Variants in TPD52L1 observed in about 807,000 individuals in gnomAD.
TPD52L1 encodes the protein TPD52 like 1.
TPD52L1 carries 18 observed loss-of-function variants against 28.7 expected under a neutral mutation model. The observed-to-expected ratio is 0.63, with a 90% CI of 0.43 to 0.93. TPD52L1 has a LOEUF of 0.93. TPD52L1 is among the 40% of genes least tolerant of loss of function. The probability of loss-of-function intolerance (pLI) is 0.00; values close to 1 mark genes in which losing one functional copy is unlikely to be tolerated. For synonymous variants in TPD52L1, 75 were observed against 88.8 expected, an observed-to-expected ratio of 0.84 and a Z score of 0.88; for missense variants, 203 against 254.8, an observed-to-expected ratio of 0.80 and a Z score of 1.39.
At chr6:125,177,701 TTTAAA>T (rs1166064681) in intron 1 of TPD52L1, among the ~76,000 whole-genome samples, 1 of 152,326 alleles carries the variant, frequency 6.6e-6, no homozygotes, top group African/African-American at 2.4e-5. Context: ...AGTTAACATT[TTTAAA>T]TTAAAGTTTC....
At chr6:125,223,394 G>A (rs1472058973) in intron 2 of TPD52L1, among the ~76,000 whole-genome samples, 1 of 152,060 alleles carries the variant, frequency 6.6e-6, no homozygotes, top group Non-Finnish European at 1.5e-5. Flanking sequence ...TTACATCTTG[G>A]ACAAATTCAG....
At chr6:125,167,040 T>C (rs1191214368) in intron 1 of TPD52L1, among the ~76,000 whole-genome samples, 2 of 152,120 alleles carry the variant, frequency 1.3e-5, no homozygotes, top group African/African-American at 4.8e-5. Flanking sequence ...GAGGACTGCT[T>C]GAACCCAGGA....
At chr6:125,238,962 A>G (rs1037650646) in intron 3 of TPD52L1, among the ~76,000 whole-genome samples, 30 of 152,190 alleles carry the variant, frequency 2.0e-4, no homozygotes, top group African/African-American at 7.2e-4. Context: ...TCTTTTTCAT[A>G]TAATGACTTC....
At chr6:125,199,473 G>A (rs978865683) in intron 1 of TPD52L1, among the ~76,000 whole-genome samples, 2 of 152,152 alleles carry the variant, frequency 1.3e-5, no homozygotes, top group Non-Finnish European at 2.9e-5. Flanking sequence ...ATCACCTGAG[G>A]TCAGGAGTTC....
At chr6:125,179,233 C>A (rs558934385) in intron 1 of TPD52L1, among the ~76,000 whole-genome samples, 10 of 152,198 alleles carry the variant, frequency 6.6e-5, no homozygotes, top group Non-Finnish European at 1.3e-4. Context: ...TTCAAGAGGA[C>A]AAATACTATT....
At chr6:125,164,979 G>T (rs571066256) in intron 1 of TPD52L1, among the ~76,000 whole-genome samples, 1 of 150,394 alleles carries the variant, frequency 6.6e-6, no homozygotes, top group South Asian at 2.1e-4. Flanking sequence ...TGATCATGGT[G>T]GTGAGTGCTT....
intron 1 of TPD52L1, among the ~76,000 whole-genome samples, chr6:125,159,826 T>A (rs1790393326): frequency 6.6e-6 from 1 of 152,200 alleles, no homozygotes; most frequent in South Asian, 2.1e-4. Flanking sequence ...AACTCTTGGG[T>A]GACCACGTAT....
chr6:125,165,504 A>G (rs1439436904), intron 1 of TPD52L1, among the ~76,000 whole-genome samples: 1 of 152,182 alleles, frequency 6.6e-6, no homozygotes, highest in Admixed American at 6.5e-5. Flanking sequence ...ACCCTTAGTC[A>G]CCAACATATT....
intron 3 of TPD52L1, among the ~76,000 whole-genome samples, chr6:125,239,812 C>T (rs1438749472): frequency 2.6e-5 from 4 of 152,138 alleles, no homozygotes; most frequent in Non-Finnish European, 5.9e-5. Context: ...ATTTCTTCTG[C>T]TGTGCAGAAG....
intron 2 of TPD52L1, among the ~76,000 whole-genome samples, chr6:125,225,805 G>A (rs969993819): frequency 6.6e-6 from 1 of 152,154 alleles, no homozygotes; most frequent in African/African-American, 2.4e-5. Context: ...GAGGATGCTT[G>A]CTGATAACAC....
intron 2 of TPD52L1, among the ~76,000 whole-genome samples, chr6:125,224,352 C>A (rs1399597790): frequency 2.0e-5 from 3 of 152,160 alleles, no homozygotes; most frequent in Non-Finnish European, 4.4e-5. Context: ...TTTTCATGCT[C>A]TCTCAATCTC....
intron 4 of TPD52L1, chr6:125,252,174 G>A: frequency 1.1e-6 from 1 of 951,900 alleles, no homozygotes; most frequent in Non-Finnish European, 1.6e-6. Context: ...CCCGTGACCA[G>A]GAAGATAGTT....
Position 125,228,717 on chromosome 6 carries a change from T to C in TPD52L1, c.136-401T>C, listed in dbSNP as rs574324335. On this transcript the variant is annotated intron_variant, in intron 2 of 6. Coordinates refer to ENST00000534000, the MANE Select transcript of TPD52L1 (RefSeq NM_003287.4). ...AAGTGGCACTTGAGAAGAAGTTATA[T>C]AAAATAAGGGTACAGTAGAAAACCA... 2.0e-5 allele frequency among the ~76,000 whole-genome samples: 3 copies of C among 152,274 alleles called. No homozygotes were observed. In the East Asian group the frequency reaches 5.8e-4, roughly 29 times the overall value.
At chr6:125,154,424 C>T (rs1392166791) in intron 1 of TPD52L1, 4 of 988,904 alleles carry the variant, frequency 4.0e-6, no homozygotes, top group Middle Eastern at 1.0e-3. Flanking sequence ...GATCGCCCGC[C>T]GAGGGGGTGG....
intron 4 of TPD52L1, among the ~76,000 whole-genome samples, chr6:125,251,489 T>C (rs1436446796): frequency 6.6e-6 from 1 of 152,240 alleles, no homozygotes; most frequent in Non-Finnish European, 1.5e-5. Flanking sequence ...ATTTAATTTG[T>C]ATGTTTTGTA....
intron 4 of TPD52L1, among the ~76,000 whole-genome samples, chr6:125,250,822 C>CA (rs1797221575): frequency 6.6e-6 from 1 of 152,162 alleles, no homozygotes; most frequent in South Asian, 2.1e-4. Flanking sequence ...GTTATTATCC[C>CA]ATGTAGAGGG....
intron 1 of TPD52L1, among the ~76,000 whole-genome samples, chr6:125,204,157 G>A (rs1462049635): frequency 1.3e-5 from 2 of 152,086 alleles, no homozygotes. Flanking sequence ...CTTTTTCACT[G>A]TACTTACTTA....
intron 1 of TPD52L1, among the ~76,000 whole-genome samples, chr6:125,199,002 C>A (rs899945638): frequency 2.0e-5 from 3 of 152,134 alleles, no homozygotes; most frequent in Non-Finnish European, 4.4e-5. Context: ...TTCCTTCATC[C>A]TTAGGAATAA....
intron 1 of TPD52L1, among the ~76,000 whole-genome samples, chr6:125,173,041 CT>C (rs1791597929): frequency 1.3e-5 from 2 of 152,202 alleles, no homozygotes; most frequent in South Asian, 4.2e-4. Flanking sequence ...TCTGGGTTTG[CT>C]GTTTTTACAA....
Sources: gnomAD v4.1 joint callset for allele counts (sites outside exome capture counted in the v4.1 genomes callset) on GRCh38, gnomAD v4.1.1 for gene constraint, MANE v1.5 for transcripts, NCBI Gene and HGNC (gene_info 2026-07-23, HGNC 2026-07-21) for gene names.